The following SGK3 variants were observed in gnomAD, a reference collection of about 807,000 sequenced individuals.
The protein encoded by SGK3 is serum/glucocorticoid regulated kinase family member 3.
In SGK3, 47 loss-of-function variants were observed where a neutral mutation model predicts 68.5. That is an observed-to-expected ratio of 0.69 (90% CI 0.54 to 0.87). The LOEUF is 0.87. Ranked by LOEUF, SGK3 falls within the 40% of genes least tolerant of loss-of-function variation. The pLI is 0.00. For synonymous variants in SGK3, 181 were observed against 189.1 expected, an observed-to-expected ratio of 0.96 and a Z score of 0.35; for missense variants, 479 against 575.5, an observed-to-expected ratio of 0.83 and a Z score of 1.72.
intron 14 of SGK3, among the ~76,000 whole-genome samples, chr8:66,845,621 G>A (rs1369585434): frequency 6.6e-6 from 1 of 152,056 alleles, no homozygotes; most frequent in Non-Finnish European, 1.5e-5. Flanking sequence ...GACTTCCCAG[G>A]CTCTGATGCT....
intron 1 of SGK3, among the ~76,000 whole-genome samples, chr8:66,765,337 G>A (rs1369197627): frequency 6.6e-6 from 1 of 152,164 alleles, no homozygotes; most frequent in Non-Finnish European, 1.5e-5. Context: ...TCATGTGCCT[G>A]TGGCCATTTG....
intron 1 of SGK3, among the ~76,000 whole-genome samples, chr8:66,730,323 T>G (rs1805113279): frequency 6.6e-6 from 1 of 152,216 alleles, no homozygotes; most frequent in African/African-American, 2.4e-5. Context: ...TATTGAATTA[T>G]ATGAATTATT....
chr8:66,845,449 C>G (rs1809969809), intron 14 of SGK3, among the ~76,000 whole-genome samples: 1 of 152,106 alleles, frequency 6.6e-6, no homozygotes, highest in African/African-American at 2.4e-5. Context: ...TAAGCTTTTT[C>G]TTTCCTACAC....
intron 8 of SGK3, among the ~76,000 whole-genome samples, chr8:66,833,006 T>A (rs945477991): frequency 6.6e-6 from 1 of 151,932 alleles, no homozygotes; most frequent in Non-Finnish European, 1.5e-5. Context: ...TTTTAGAATT[T>A]TTTTTTTTTT....
rs561014026 is a variant in SGK3, at chr8:66,729,022, A to G, written c.-122+16189A>G. ...ATCACAAGGTCAGGAGATGGAGACC[A>G]TCCTGGCTAAGACAGTGAAACCCTG... On this transcript the variant is annotated intron_variant, in intron 1 of 16. Coordinates refer to ENST00000521198, the MANE Select transcript of SGK3 (RefSeq NM_001033578.3). Among the ~76,000 whole-genome samples, 504 of 151,766 alleles carry G rather than the reference A, an allele frequency of 3.3e-3. 4 individuals carry two copies. Among genetic ancestry groups the G allele is most frequent in the Non-Finnish European group, 4.2e-3 (282 of 67,916 alleles).
chr8:66,785,783 T>C (rs1437384147), intron 1 of SGK3, among the ~76,000 whole-genome samples: 2 of 152,234 alleles, frequency 1.3e-5, no homozygotes, highest in Non-Finnish European at 2.9e-5. Context: ...CTGAGTTGAT[T>C]CATGAGTTGA....
chr8:66,731,550 T>A (rs182960830), intron 1 of SGK3, among the ~76,000 whole-genome samples: 1 of 152,328 alleles, frequency 6.6e-6, no homozygotes, highest in Non-Finnish European at 1.5e-5. Context: ...TGTTTGTTTG[T>A]TTGAGACGGA....
chr8:66,837,137 G>A (rs1809570798), intron 10 of SGK3, among the ~76,000 whole-genome samples: 1 of 152,178 alleles, frequency 6.6e-6, no homozygotes, highest in Non-Finnish European at 1.5e-5. Flanking sequence ...GCTTGTAGAA[G>A]TAATGTGGTT....
intron 10 of SGK3, among the ~76,000 whole-genome samples, chr8:66,836,771 CTTTTT>C (rs35857638): frequency 4.2e-5 from 5 of 118,102 alleles, no homozygotes; most frequent in African/African-American, 1.5e-4. Context: ...GTCAGGATAT[CTTTTT>C]TTTTTTTTTT....
At chr8:66,859,372 A>C in intron 16 of SGK3, 39 bp from the exon 17 acceptor site, 1 of 1,495,956 alleles carries the variant, frequency 6.7e-7, no homozygotes, top group Non-Finnish European at 9.0e-7. Flanking sequence ...TAATGAAAGA[A>C]AAGCTAAGGT....
intron 10 of SGK3, among the ~76,000 whole-genome samples, chr8:66,837,668 C>T (rs1261660686): frequency 1.3e-5 from 2 of 152,146 alleles, no homozygotes; most frequent in Non-Finnish European, 2.9e-5. Flanking sequence ...TCCGTAGTCC[C>T]AGCTACTCAG....
chr8:66,715,116 T>C (rs1804594654), intron 1 of SGK3, among the ~76,000 whole-genome samples: 1 of 152,232 alleles, frequency 6.6e-6, no homozygotes, highest in Non-Finnish European at 1.5e-5. Context: ...TGGACTTATT[T>C]CTTAAGATTT....
intron 1 of SGK3, among the ~76,000 whole-genome samples, chr8:66,787,440 G>C (rs1199751378): frequency 6.6e-6 from 1 of 152,240 alleles, no homozygotes; most frequent in Non-Finnish European, 1.5e-5. Flanking sequence ...TGTGAAGACA[G>C]ATCCTTCCCT....
At position 66,796,321 on chromosome 8, in the gene SGK3, A is replaced by ATTTTTTTTTTTTTTTTTT. The variant is rs71249408; in HGVS notation, c.97-2207_97-2190dup. On this transcript the variant is annotated intron_variant, in intron 2 of 16. Transcript: ENST00000521198. The stretch of plus-strand genomic sequence containing the variant: ...CCAGCTAATTTTTTGTATTTTTTGT[A>ATTTTTTTTTTTTTTTTTT]TTTTTTTTTTTTTTTTTTTTTTTTT... 6.8e-4 allele frequency among the ~76,000 whole-genome samples: 28 copies of ATTTTTTTTTTTTTTTTTT among 41,358 alleles called. 1 individual carries two copies. Among genetic ancestry groups the ATTTTTTTTTTTTTTTTTT allele is most frequent in the Non-Finnish European group, 1.1e-3 (24 of 22,674 alleles). The allele number at this position is 41,358 out of a possible 152,430, so 27.1% of individuals were successfully genotyped here.
chr8:66,856,619 C>T (rs1810520523), intron 16 of SGK3, among the ~76,000 whole-genome samples: 2 of 152,224 alleles, frequency 1.3e-5, no homozygotes, highest in Admixed American at 6.5e-5. Flanking sequence ...TGTATTATTC[C>T]TGTCAGTACC....
intron 3 of SGK3, among the ~76,000 whole-genome samples, chr8:66,803,662 A>C (rs1267564505): frequency 1.3e-5 from 2 of 148,790 alleles, no homozygotes; most frequent in African/African-American, 4.9e-5. Flanking sequence ...TAGAATATAT[A>C]TATAATTATT....
At chr8:66,757,399 G>A (rs896322182) in intron 1 of SGK3, among the ~76,000 whole-genome samples, 1 of 150,946 alleles carries the variant, frequency 6.6e-6, no homozygotes, top group Admixed American at 6.6e-5. Flanking sequence ...TAGGCCTCTC[G>A]AAGGGCTGGG....
At chr8:66,759,348 G>A (rs755832294) in intron 1 of SGK3, among the ~76,000 whole-genome samples, 17 of 151,956 alleles carry the variant, frequency 1.1e-4, no homozygotes, top group Non-Finnish European at 1.9e-4. Flanking sequence ...CCCTCCCAAA[G>A]TGCTGGGATT....
rs746133153 is a variant in SGK3 at position 66,813,874 on chromosome 8, C to A, written c.275C>A (p.Ala92Glu). 1.3e-6 allele frequency: 2 copies of A among 1,578,334 alleles called. No individual in the cohort carries two copies. Among genetic ancestry groups the A allele is most frequent in the Non-Finnish European group, 1.7e-6 (2 of 1,163,640 alleles). ...CCAGATTTTATTAAACAAAGACGAG[C>A]AGGACTAAACGAATTCATTCAGAAC... ...FDPDFIKQRR[A>E]GLNEFIQNLV... The change falls in exon 5 of 17, where the codon GCA (alanine) becomes GAA (glutamate). Residue 92 changes from alanine (A) to glutamate (E), a missense_variant. Physicochemically the swap from Ala to Glu is moderately radical, Grantham distance 107 (BLOSUM62 -1). Coordinates refer to ENST00000521198, the MANE Select transcript of SGK3 (RefSeq NM_001033578.3).
Sources: allele counts gnomAD v4.1 joint callset (sites outside exome capture counted in the v4.1 genomes callset), GRCh38; gene constraint gnomAD v4.1.1; transcripts MANE v1.5; gene names NCBI Gene and HGNC (gene_info 2026-07-23, HGNC 2026-07-21).